The following CTNND2 variants were observed in gnomAD, a reference collection of about 807,000 sequenced individuals.
CTNND2 encodes the protein catenin delta 2.
In CTNND2, 22 loss-of-function variants were observed where a neutral mutation model predicts 144.4. The observed-to-expected ratio is 0.15, with a 90% CI of 0.11 to 0.22. CTNND2 has a LOEUF of 0.22. Among genes scored for constraint, CTNND2 ranks in the 10% least tolerant of loss-of-function variants. The pLI is 1.00. For missense variants in CTNND2, 1,353 were observed against 1,618.8 expected (o/e 0.84, Z 2.82); for synonymous variants, 751 against 695.6 (o/e 1.08, Z -1.25).
intron 9 of CTNND2, among the ~76,000 whole-genome samples, chr5:11,280,330 C>T (rs917405417): frequency 1.3e-5 from 2 of 152,196 alleles, no homozygotes; most frequent in Admixed American, 6.5e-5. Context: ...GACTGCTCTG[C>T]TGCCACACAA....
intron 8 of CTNND2, among the ~76,000 whole-genome samples, chr5:11,350,170 A>C (rs1755182778): frequency 6.6e-6 from 1 of 152,192 alleles, no homozygotes; most frequent in African/African-American, 2.4e-5. Context: ...GTTTCTACTA[A>C]AGATACAGAG....
At chr5:11,361,582 A>G (rs1375098319) in intron 8 of CTNND2, among the ~76,000 whole-genome samples, 3 of 152,114 alleles carry the variant, frequency 2.0e-5, no homozygotes, top group Non-Finnish European at 4.4e-5. Context: ...TCTCCTTCCA[A>G]GGATTGTTCT....
At chr5:11,261,263 C>T (rs26453) in intron 9 of CTNND2, among the ~76,000 whole-genome samples, 24,057 of 152,118 alleles carry the variant, frequency 0.16, 2,100 homozygotes, top group African/African-American at 0.22. Flanking sequence ...AGCCTCTCAT[C>T]GGTCTAGGCC....
At chr5:11,559,171 G>T (rs1776484128) in intron 3 of CTNND2, among the ~76,000 whole-genome samples, 1 of 152,060 alleles carries the variant, frequency 6.6e-6, no homozygotes, top group Admixed American at 6.5e-5. Flanking sequence ...ACGTGTGTGG[G>T]TGGGATTGTG....
intron 3 of CTNND2, among the ~76,000 whole-genome samples, chr5:11,442,334 T>C (rs995892669): frequency 2.6e-5 from 4 of 152,194 alleles, no homozygotes; most frequent in Admixed American, 6.5e-5. Context: ...TAAATTAGAA[T>C]CCCTTGTGAA....
At chr5:11,387,898 C>G (rs965810330) in intron 6 of CTNND2, among the ~76,000 whole-genome samples, 1 of 152,016 alleles carries the variant, frequency 6.6e-6, no homozygotes, top group African/African-American at 2.4e-5. Context: ...AACCTTAATG[C>G]TTTTTACAAA....
rs2126363098 is a variant in CTNND2, at chr5:11,903,745, A to G, written c.37+72T>C. Reference sequence around the variant, plus strand: ...CCGGGAGCCCAGGACCACCCCCACCAGCGGCAAGAGGAGGAGGACGGCGCC... The same window carrying G: ...CCGGGAGCCCAGGACCACCCCCACCGGCGGCAAGAGGAGGAGGACGGCGCC... On this transcript the variant is annotated intron_variant, in intron 1 of 21. Transcript: ENST00000304623. The surrounding 1 kb of genome is among the most constrained non-coding windows in gnomAD (Gnocchi z 5.4). 1 of 1,420,648 alleles carries G rather than the reference A, an allele frequency of 7.0e-7. No homozygotes were observed. Among genetic ancestry groups the G allele is most frequent in the South Asian group, 1.3e-5 (1 of 76,002 alleles). The allele number at this position is 1,420,648 out of a possible 1,614,324, so 88.0% of individuals were successfully genotyped here. A position where few individuals can be genotyped will look rare whatever the true frequency, so the allele number is the denominator to read the frequency against.
At chr5:11,775,637 C>T (rs1230060953) in intron 1 of CTNND2, among the ~76,000 whole-genome samples, 3 of 152,286 alleles carry the variant, frequency 2.0e-5, no homozygotes, top group East Asian at 1.9e-4. Context: ...GGGAGGACTG[C>T]GGTTGCTCGT....
At chr5:11,447,760 C>T (rs561433541) in intron 3 of CTNND2, among the ~76,000 whole-genome samples, 55 of 152,322 alleles carry the variant, frequency 3.6e-4, no homozygotes, top group African/African-American at 1.3e-3. Context: ...ATTTCAACAA[C>T]TCAAGTGGTT....
At chr5:11,160,325 G>A (rs1758647572) in intron 11 of CTNND2, among the ~76,000 whole-genome samples, 1 of 152,206 alleles carries the variant, frequency 6.6e-6, no homozygotes, top group Admixed American at 6.5e-5. Flanking sequence ...TTCTCTGAAA[G>A]CAATGCTCAT....
chr5:11,569,079 C>T (rs1268486012), intron 2 of CTNND2, among the ~76,000 whole-genome samples: 1 of 152,068 alleles, frequency 6.6e-6, no homozygotes, highest in Non-Finnish European at 1.5e-5. Flanking sequence ...GGTAAAGGAT[C>T]ACTAGTATGG....
chr5:11,531,696 T>G (rs1206722693), intron 3 of CTNND2, among the ~76,000 whole-genome samples: 1 of 151,998 alleles, frequency 6.6e-6, no homozygotes, highest in East Asian at 1.9e-4. Context: ...TAGTAAATAT[T>G]AATTACTAAA....
At chr5:11,005,209 A>T (rs13175117) in intron 18 of CTNND2, among the ~76,000 whole-genome samples, 1 of 152,182 alleles carries the variant, frequency 6.6e-6, no homozygotes, top group East Asian at 1.9e-4. Flanking sequence ...CAAGGCTCTG[A>T]GGTGGAAACT....
At chr5:11,095,946 A>G (rs1366461705) in intron 15 of CTNND2, among the ~76,000 whole-genome samples, 1 of 151,730 alleles carries the variant, frequency 6.6e-6, no homozygotes, top group Non-Finnish European at 1.5e-5. Flanking sequence ...TTTTTAAAAT[A>G]TTTTTTTCTG....
intron 1 of CTNND2, among the ~76,000 whole-genome samples, chr5:11,756,116 A>C (rs190696089): frequency 6.6e-6 from 1 of 151,700 alleles, no homozygotes; most frequent in Admixed American, 6.6e-5. Flanking sequence ...TTATGCAAAA[A>C]CTTTGTGCCT....
chr5:11,367,200 T>C (rs766268788), intron 7 of CTNND2, among the ~76,000 whole-genome samples: 6 of 152,202 alleles, frequency 3.9e-5, no homozygotes, highest in Non-Finnish European at 8.8e-5. Context: ...AAAAAGAACA[T>C]TATTTACACT....
chr5:11,056,314 T>A (rs6893998), intron 16 of CTNND2, among the ~76,000 whole-genome samples: 26,267 of 152,110 alleles, frequency 0.17, 4,256 homozygotes, highest in East Asian at 0.58. Flanking sequence ...CTTGGATTTC[T>A]GCTAAGGAAA....
intron 2 of CTNND2, among the ~76,000 whole-genome samples, chr5:11,607,382 T>C (rs1363787954): frequency 6.6e-6 from 1 of 152,158 alleles, no homozygotes; most frequent in East Asian, 1.9e-4. Flanking sequence ...ATCTGACATA[T>C]ATAATATTAT....
chr5:11,616,458 G>T (rs1780585023), intron 2 of CTNND2, among the ~76,000 whole-genome samples: 2 of 152,008 alleles, frequency 1.3e-5, no homozygotes, highest in Non-Finnish European at 1.5e-5. Flanking sequence ...CCTTCTTAAT[G>T]TGGTTCACAT....
Sources: allele counts gnomAD v4.1 joint callset (sites outside exome capture counted in the v4.1 genomes callset), GRCh38; gene constraint gnomAD v4.1.1; non-coding constraint Gnocchi (gnomAD v3.1); transcripts MANE v1.5; gene names NCBI Gene and HGNC (gene_info 2026-07-23, HGNC 2026-07-21).